ABAT: variants seen among roughly 807,000 people sequenced by gnomAD.
ABAT encodes 4-aminobutyrate aminotransferase, mitochondrial.
ABAT carries 45 observed loss-of-function variants against 64.6 expected under a neutral mutation model. The ratio of observed to expected loss-of-function variants is 0.70; its 90% confidence interval spans 0.55 to 0.89. The LOEUF is 0.89. Among genes scored for constraint, ABAT ranks in the 40% least tolerant of loss-of-function variants. The pLI, the probability that ABAT is intolerant of heterozygous loss-of-function variation, is 0.00. For synonymous variants in ABAT, 297 were observed against 250.5 expected, an observed-to-expected ratio of 1.19 and a Z score of -1.75; for missense variants, 633 against 658.4, an observed-to-expected ratio of 0.96 and a Z score of 0.42.
chr16:8,727,281 T>C (rs2058586722), intron 1 of ABAT, among the ~76,000 whole-genome samples: 1 of 152,138 alleles, frequency 6.6e-6, no homozygotes, highest in African/African-American at 2.4e-5. Context: ...AAATTGTTGC[T>C]CGAGTTGGCT....
In ABAT at chr16:8,719,925, C is replaced by T. The variant is rs151018175; in HGVS notation, c.-41-15774C>T. Among the ~76,000 whole-genome samples, 531 of 152,306 alleles carry T rather than the reference C, an allele frequency of 3.5e-3. 6 individuals carry two copies. Among genetic ancestry groups the T allele is most frequent in the African/African-American group, 0.012 (503 of 41,568 alleles). ...TTCTCAGGTTTAAGCAATTCTCCTGCCTCAGCCTCCCAAGTAGCTGGAACT... is the reference window on the plus strand; with the variant it reads ...TTCTCAGGTTTAAGCAATTCTCCTGTCTCAGCCTCCCAAGTAGCTGGAACT... On this transcript the variant is annotated intron_variant, in intron 1 of 15. Coordinates refer to ENST00000268251, the MANE Select transcript of ABAT (RefSeq NM_020686.6).
chr16:8,729,800 C>A (rs1330898422), intron 1 of ABAT, among the ~76,000 whole-genome samples: 1 of 130,952 alleles, frequency 7.6e-6, no homozygotes, highest in East Asian at 2.3e-4. Context: ...GCTCTCTAGT[C>A]TTTCTTTTGT....
chr16:8,761,874 A>G (rs903689672), intron 6 of ABAT, among the ~76,000 whole-genome samples: 5 of 152,220 alleles, frequency 3.3e-5, no homozygotes, highest in African/African-American at 9.6e-5. Flanking sequence ...AAACTCCACC[A>G]TAATTACTTC....
chr16:8,736,104 A>G, intron 2 of ABAT: 1 of 425,222 alleles, frequency 2.4e-6, no homozygotes, highest in Non-Finnish European at 4.4e-6. Flanking sequence ...GCTACAGGCA[A>G]GAGAGCATGT....
chr16:8,738,787 G>A (rs1439239444), intron 2 of ABAT, among the ~76,000 whole-genome samples: 1 of 151,856 alleles, frequency 6.6e-6, no homozygotes, highest in Admixed American at 6.6e-5. Flanking sequence ...TGGGATTACA[G>A]GCACCTGCCA....
intron 1 of ABAT, among the ~76,000 whole-genome samples, chr16:8,709,061 G>C (rs1341442444): frequency 6.6e-6 from 1 of 152,034 alleles, no homozygotes; most frequent in African/African-American, 2.4e-5. Flanking sequence ...TTGAAGACTT[G>C]CTATGCCAAA....
intron 1 of ABAT, among the ~76,000 whole-genome samples, chr16:8,716,830 T>C (rs1410130982): frequency 6.6e-6 from 1 of 152,210 alleles, no homozygotes; most frequent in Non-Finnish European, 1.5e-5. Flanking sequence ...TCTGATGCAA[T>C]GCGTCAGCCC....
intron 1 of ABAT, among the ~76,000 whole-genome samples, chr16:8,682,216 CACACACACACAG>C (rs984533777): frequency 1.4e-5 from 2 of 143,174 alleles, no homozygotes; most frequent in African/African-American, 2.4e-5. Context: ...CACACACACA[CACACACACACAG>C]AGGAGGCATT....
chr16:8,727,791 A>G (rs2058601232), intron 1 of ABAT, among the ~76,000 whole-genome samples: 1 of 152,232 alleles, frequency 6.6e-6, no homozygotes, highest in African/African-American at 2.4e-5. Context: ...TGACTTGGCC[A>G]GGAGCGGTGG....
At chr16:8,731,920 C>A (rs1040124915) in intron 1 of ABAT, among the ~76,000 whole-genome samples, 1 of 152,108 alleles carries the variant, frequency 6.6e-6, no homozygotes, top group East Asian at 1.9e-4. Flanking sequence ...GTGGTGCGAT[C>A]TCAGCTCACT....
chr16:8,680,916 T>C (rs1208952724), intron 1 of ABAT, among the ~76,000 whole-genome samples: 1 of 152,150 alleles, frequency 6.6e-6, no homozygotes, highest in South Asian at 2.1e-4. Flanking sequence ...TGAGTTGTCT[T>C]TTTGTCTTTT....
rs925250344 is a variant in ABAT, at chr16:8,720,403, G to A, written c.-41-15296G>A. 5.9e-5 allele frequency among the ~76,000 whole-genome samples: 9 copies of A among 152,220 alleles called. No individual in the cohort carries two copies. The South Asian group carries it at 6.2e-4, about 10-fold the overall frequency. On this transcript the variant is annotated intron_variant, in intron 1 of 15. Coordinates refer to ENST00000268251, the MANE Select transcript of ABAT (RefSeq NM_020686.6). Reference sequence around the variant, plus strand: ...CTTTCTTAGGAATGGACATTTGCCTGTTTCCAAGAACAGTATTTCTGTCTC... The same window carrying A: ...CTTTCTTAGGAATGGACATTTGCCTATTTCCAAGAACAGTATTTCTGTCTC...
intron 1 of ABAT, among the ~76,000 whole-genome samples, chr16:8,677,643 A>G (rs1032163760): frequency 3.3e-5 from 5 of 152,096 alleles, no homozygotes; most frequent in African/African-American, 1.2e-4. Context: ...GTCTCTACCC[A>G]CTAGATGCCA....
intron 1 of ABAT, among the ~76,000 whole-genome samples, chr16:8,703,271 A>G (rs1567276061): frequency 6.6e-6 from 1 of 152,094 alleles, no homozygotes; most frequent in Non-Finnish European, 1.5e-5. Flanking sequence ...TTCGGCCGAC[A>G]TGGCGAAACC....
intron 1 of ABAT, among the ~76,000 whole-genome samples, chr16:8,710,719 A>G (rs57237163): frequency 6.0e-5 from 8 of 133,598 alleles, no homozygotes; most frequent in African/African-American, 1.8e-4. Flanking sequence ...AGAGAGAGAG[A>G]GAGAGAGAGA....
In ABAT at chr16:8,764,462, C is replaced by G. The variant is rs558543857; in HGVS notation, c.448-276C>G. Among the ~76,000 whole-genome samples, 2 of 152,204 alleles carry G rather than the reference C, an allele frequency of 1.3e-5. No individual in the cohort carries two copies. Among genetic ancestry groups the G allele is most frequent in the African/African-American group, 4.8e-5 (2 of 41,460 alleles). ...AAAGCCATTGGGAGCCTCAACGTCCCGCCTGGAACGTGTAGGTGTCTTAGA... is the reference window on the plus strand; with the variant it reads ...AAAGCCATTGGGAGCCTCAACGTCCGGCCTGGAACGTGTAGGTGTCTTAGA... On this transcript the variant is annotated intron_variant, in intron 7 of 15. Transcript: ENST00000268251. This position sits in a 1 kb window ranked among gnomAD's most constrained non-coding sequence, Gnocchi z 4.2.
chr16:8,784,471 TA>T lies in ABAT; in HGVS notation c.*3043del, dbSNP rs2060502935. The T allele has an allele frequency of 6.6e-6, 1 of 152,478 alleles. No individual in the cohort carries two copies. Among genetic ancestry groups the T allele is most frequent in the African/African-American group, 2.4e-5 (1 of 41,416 alleles). The allele number at this position is 152,478 out of a possible 1,614,324, so 9.4% of individuals were successfully genotyped here. ...TGCCAATAAATGATAAAAAAAAAAT[TA>T]ACATGTCACAATGTAACGGATGACC... On this transcript the variant is annotated 3_prime_UTR_variant, in exon 16 of 16. Transcript: ENST00000268251.
Position 8,779,601 on chromosome 16 carries a change from A to C in ABAT, c.1381+11A>C. ...TTGCCAGAAACAAAGGTAAGGGGTC[A>C]GGAGTGGCTGCTGAGTTTCATGAGC... On this transcript the variant is annotated intron_variant, in intron 15 of 15. Coordinates refer to ENST00000268251, the MANE Select transcript of ABAT (RefSeq NM_020686.6). The C allele has an allele frequency of 6.2e-7, 1 of 1,607,338 alleles. No homozygotes were observed. Among genetic ancestry groups the C allele is most frequent in the Non-Finnish European group, 8.5e-7 (1 of 1,174,612 alleles).
At chr16:8,737,798 G>A (rs1298366499) in intron 2 of ABAT, among the ~76,000 whole-genome samples, 4 of 149,644 alleles carry the variant, frequency 2.7e-5, no homozygotes, top group Non-Finnish European at 5.9e-5. Flanking sequence ...TGTGGTGGCA[G>A]GCACCTGTAA....
Sources: allele counts gnomAD v4.1 joint callset (sites outside exome capture counted in the v4.1 genomes callset), GRCh38; gene constraint gnomAD v4.1.1; non-coding constraint Gnocchi (gnomAD v3.1); transcripts MANE v1.5; gene names NCBI Gene and HGNC (gene_info 2026-07-23, HGNC 2026-07-21).